ANO3: variants seen among roughly 807,000 people sequenced by gnomAD.
The protein encoded by ANO3 is anoctamin 3.
In ANO3, 99 loss-of-function variants were observed where a neutral mutation model predicts 144.8. The ratio of observed to expected loss-of-function variants is 0.68; its 90% CI spans 0.58 to 0.81. The LOEUF (loss-of-function observed/expected upper bound fraction) is 0.81. Among genes scored for constraint, ANO3 ranks in the 30% least tolerant of loss-of-function variants. The pLI, the probability that ANO3 is intolerant of heterozygous loss-of-function variation, is 0.00. For synonymous variants in ANO3, 414 were observed against 392.6 expected (o/e 1.05, Z -0.64); for missense variants, 905 against 1,202.2 (o/e 0.75, Z 3.66).
intron 17 of ANO3, among the ~76,000 whole-genome samples, chr11:26,604,037 A>G (rs1456461979): frequency 6.6e-6 from 1 of 150,488 alleles, no homozygotes; most frequent in East Asian, 1.9e-4. Flanking sequence ...GCAGTAGAAC[A>G]CTAGAACTTA....
chr11:26,581,354 T>A (rs1851125173), intron 14 of ANO3, among the ~76,000 whole-genome samples: 1 of 148,350 alleles, frequency 6.7e-6, no homozygotes, highest in African/African-American at 2.5e-5. Context: ...CATACATAAG[T>A]TTAGGATTAA....
intron 4 of ANO3, among the ~76,000 whole-genome samples, chr11:26,484,392 T>G (rs917158150): frequency 6.6e-6 from 1 of 152,094 alleles, no homozygotes; most frequent in Non-Finnish European, 1.5e-5. Context: ...GCCCCATATA[T>G]GTCTCAGGCC....
intron 1 of ANO3, among the ~76,000 whole-genome samples, chr11:26,206,959 G>A (rs1239411793): frequency 6.6e-6 from 1 of 152,130 alleles, no homozygotes; most frequent in African/African-American, 2.4e-5. Flanking sequence ...TAATTTAAAA[G>A]TATGAAGGGC....
At chr11:26,556,643 A>T (rs958849044) in intron 13 of ANO3, among the ~76,000 whole-genome samples, 1 of 152,176 alleles carries the variant, frequency 6.6e-6, no homozygotes, top group East Asian at 1.9e-4. Context: ...CAAATTTTTT[A>T]AAAGATACGT....
intron 1 of ANO3, among the ~76,000 whole-genome samples, chr11:26,312,292 C>T (rs1854518494): frequency 6.6e-6 from 1 of 152,208 alleles, no homozygotes; most frequent in South Asian, 2.1e-4. Flanking sequence ...GTGAATAGTG[C>T]TGAAATAAAC....
chr11:26,423,810 A>G (rs1310952738), intron 1 of ANO3, among the ~76,000 whole-genome samples: 5 of 151,930 alleles, frequency 3.3e-5, no homozygotes, highest in African/African-American at 1.2e-4. Context: ...AGGATAGGGT[A>G]CGTGAGGAAC....
chr11:26,535,385 G>A (rs930703198), intron 9 of ANO3, among the ~76,000 whole-genome samples: 15 of 152,020 alleles, frequency 9.9e-5, no homozygotes, highest in African/African-American at 3.1e-4. Flanking sequence ...AAAGCAATAG[G>A]TAACAAACAA....
At chr11:26,333,929 A>C (rs1053741047) in intron 1 of ANO3, among the ~76,000 whole-genome samples, 3 of 152,218 alleles carry the variant, frequency 2.0e-5, no homozygotes, top group Admixed American at 6.5e-5. Context: ...GGAACTTTGC[A>C]ACAGCCTCAC....
chr11:26,325,028 C>T (rs1358984675), intron 1 of ANO3, among the ~76,000 whole-genome samples: 3 of 152,114 alleles, frequency 2.0e-5, no homozygotes, highest in Non-Finnish European at 4.4e-5. Context: ...AAAATGCAGT[C>T]ACTAGAGTTA....
chr11:26,430,038 G>A (rs1181639900), intron 1 of ANO3, among the ~76,000 whole-genome samples: 1 of 152,046 alleles, frequency 6.6e-6, no homozygotes, highest in Non-Finnish European at 1.5e-5. Flanking sequence ...AGGAGTTTGA[G>A]ATCGAGAACA....
intron 12 of ANO3, 25 bp from the exon 13 acceptor site, chr11:26,553,218 TGTTTTG>T (rs759088423): frequency 2.4e-6 from 3 of 1,244,506 alleles, no homozygotes; most frequent in Non-Finnish European, 3.4e-6. Flanking sequence ...TGCTATGTTT[TGTTTTG>T]TTTTTGTTTT....
chr11:26,489,018 C>T (rs2101747), intron 4 of ANO3, among the ~76,000 whole-genome samples: 138,121 of 152,178 alleles, frequency 0.91, 63,321 homozygotes, highest in South Asian at 0.97. Flanking sequence ...TTGGTACATT[C>T]ACAATCCCTT....
intron 1 of ANO3, among the ~76,000 whole-genome samples, chr11:26,344,062 T>A (rs1440368334): frequency 6.6e-6 from 1 of 152,214 alleles, no homozygotes; most frequent in Admixed American, 6.5e-5. Flanking sequence ...AGGATTTAAA[T>A]TCAGAAATCA....
intron 20 of ANO3, among the ~76,000 whole-genome samples, chr11:26,635,766 G>A (rs78831673): frequency 3.0e-4 from 45 of 152,172 alleles, no homozygotes; most frequent in African/African-American, 1.0e-3. Flanking sequence ...TCATAGCCTT[G>A]AAGAACAGGG....
Position 26,359,929 on chromosome 11 carries a change from A to G in ANO3, c.46+27608A>G, listed in dbSNP as rs1453988527. On this transcript the variant is annotated intron_variant, in intron 1 of 26. Coordinates refer to ENST00000256737, the MANE Select transcript of ANO3 (RefSeq NM_031418.4). Reference sequence around the variant, plus strand: ...TTTTTATTTATATATAAATGTATGCATATATTGGAACTTACATATAAATTA... The same window carrying G: ...TTTTTATTTATATATAAATGTATGCGTATATTGGAACTTACATATAAATTA... Among the ~76,000 whole-genome samples, 8 of 151,760 alleles carry G rather than the reference A, an allele frequency of 5.3e-5. No homozygotes were observed. In the East Asian group the frequency reaches 1.6e-3, roughly 30 times the overall value.
intron 14 of ANO3, among the ~76,000 whole-genome samples, chr11:26,582,932 A>T (rs1043358284): frequency 6.6e-6 from 1 of 152,202 alleles, no homozygotes; most frequent in African/African-American, 2.4e-5. Context: ...GCTTGAGAAA[A>T]ATTAATATTG....
chr11:26,475,500 G>C (rs1859929426), intron 4 of ANO3, among the ~76,000 whole-genome samples: 2 of 151,918 alleles, frequency 1.3e-5, no homozygotes, highest in Non-Finnish European at 2.9e-5. Flanking sequence ...CAGAGAAATA[G>C]AGTCTGTTAA....
chr11:26,451,362 A>G (rs145294295), intron 3 of ANO3, among the ~76,000 whole-genome samples: 8,218 of 152,258 alleles, frequency 0.054, 277 homozygotes, highest in African/African-American at 0.086. Flanking sequence ...GGCACCTGGA[A>G]AATCGGGTCA....
chr11:26,244,552 C>T (rs1369630071), intron 1 of ANO3, among the ~76,000 whole-genome samples: 1 of 152,142 alleles, frequency 6.6e-6, no homozygotes. Context: ...GCAGAAAAAC[C>T]TGAGAACTAT....
Sources: gnomAD v4.1 joint callset for allele counts (sites outside exome capture counted in the v4.1 genomes callset) on GRCh38, gnomAD v4.1.1 for gene constraint, MANE v1.5 for transcripts, NCBI Gene and HGNC (gene_info 2026-07-23, HGNC 2026-07-21) for gene names.